The following DOCK4 variants were observed in gnomAD, a reference collection of about 807,000 sequenced individuals.
DOCK4 encodes the protein dedicator of cytokinesis protein 4.
Under a neutral mutation model 268.1 loss-of-function variants are expected in DOCK4, and 97 were observed. That is an observed-to-expected ratio of 0.36 (90% CI 0.31 to 0.43). The LOEUF (loss-of-function observed/expected upper bound fraction) is 0.43, where lower values mean the gene tolerates loss of function less well. Ranked by LOEUF, DOCK4 falls within the 20% of genes least tolerant of loss-of-function variation. The pLI, the probability that DOCK4 is intolerant of heterozygous loss-of-function variation, is 1.00. For missense variants in DOCK4, 2,145 were observed against 2,455.7 expected, an observed-to-expected ratio of 0.87 and a Z score of 2.67; for synonymous variants, 954 against 887.2, an observed-to-expected ratio of 1.08 and a Z score of -1.34.
At chr7:111,833,613 G>A (rs536032094) in intron 26 of DOCK4, among the ~76,000 whole-genome samples, 2 of 151,994 alleles carry the variant, frequency 1.3e-5, no homozygotes, top group East Asian at 3.9e-4. Flanking sequence ...ACTGACTGCT[G>A]AGGGATTAAA....
chr7:111,736,804 G>A lies in DOCK4; in HGVS notation c.5305+113C>T. The A allele has an allele frequency of 4.4e-6, 4 of 915,552 alleles. No homozygotes were observed. In the South Asian group the frequency reaches 5.6e-5, roughly 13 times the overall value. The allele number at this position is 915,552 out of a possible 1,614,324, so 56.7% of individuals were successfully genotyped here. A position where few individuals can be genotyped will look rare whatever the true frequency, so the allele number is the denominator to read the frequency against. On this transcript the variant is annotated intron_variant, in intron 50 of 52. Transcript: ENST00000428084. ...ATCCCTTAAAGAGCATACTAGTCCTGATCATTAAAGAGCTAGAGCACTGCT... is the reference window on the plus strand; with the variant it reads ...ATCCCTTAAAGAGCATACTAGTCCTAATCATTAAAGAGCTAGAGCACTGCT...
chr7:111,975,276 C>T (rs983606474), intron 8 of DOCK4, among the ~76,000 whole-genome samples: 1 of 151,842 alleles, frequency 6.6e-6, no homozygotes, highest in South Asian at 2.1e-4. Flanking sequence ...CAAACAAAAA[C>T]GAACAAAAAA....
At chr7:112,154,888 A>G (rs919146609) in intron 1 of DOCK4, among the ~76,000 whole-genome samples, 6 of 152,178 alleles carry the variant, frequency 3.9e-5, no homozygotes, top group African/African-American at 1.4e-4. Flanking sequence ...GGCCTGACAC[A>G]ATACCTTGCT....
chr7:112,022,500 G>C (rs572895767), intron 1 of DOCK4, among the ~76,000 whole-genome samples: 2 of 152,206 alleles, frequency 1.3e-5, no homozygotes, highest in African/African-American at 2.4e-5. Flanking sequence ...TCAGGCTTCT[G>C]CATAGGTGGG....
chr7:112,161,341 C>T (rs1336495652), intron 1 of DOCK4, among the ~76,000 whole-genome samples: 1 of 152,092 alleles, frequency 6.6e-6, no homozygotes, highest in Non-Finnish European at 1.5e-5. Context: ...ATACACTGTA[C>T]CAGGTAACCT....
intron 8 of DOCK4, among the ~76,000 whole-genome samples, chr7:111,947,728 A>AT (rs1044483869): frequency 2.0e-5 from 3 of 151,914 alleles, no homozygotes; most frequent in African/African-American, 7.3e-5. Context: ...TATCATTTTA[A>AT]TTTTTTTTGG....
At chr7:112,112,101 C>A (rs1811708008) in intron 1 of DOCK4, among the ~76,000 whole-genome samples, 1 of 152,072 alleles carries the variant, frequency 6.6e-6, no homozygotes, top group Non-Finnish European at 1.5e-5. Flanking sequence ...GATGTGTGTC[C>A]CCTCCAAATC....
chr7:112,127,402 G>A (rs1213832801), intron 1 of DOCK4, among the ~76,000 whole-genome samples: 36 of 116,752 alleles, frequency 3.1e-4, no homozygotes, highest in African/African-American at 1.2e-3. Context: ...ACACTCTGGG[G>A]ACTGTTGTGG....
At chr7:112,070,815 C>T (rs1337717716) in intron 1 of DOCK4, among the ~76,000 whole-genome samples, 1 of 152,186 alleles carries the variant, frequency 6.6e-6, no homozygotes, top group Non-Finnish European at 1.5e-5. Context: ...ACTGGCCCTG[C>T]CTTTCTCCTC....
At chr7:111,850,351 ACT>A (rs984554241) in intron 23 of DOCK4, among the ~76,000 whole-genome samples, 3 of 150,832 alleles carry the variant, frequency 2.0e-5, no homozygotes, top group African/African-American at 7.3e-5. Flanking sequence ...TACCCACCCG[ACT>A]CTGTTCCTTG....
intron 1 of DOCK4, among the ~76,000 whole-genome samples, chr7:112,085,300 T>C (rs954753905): frequency 6.6e-6 from 1 of 152,064 alleles, no homozygotes; most frequent in African/African-American, 2.4e-5. Flanking sequence ...TTTAAATCCA[T>C]AGCCCATCAA....
In DOCK4 at chr7:112,007,445, C is replaced by T. The variant is rs17159137; in HGVS notation, c.38-3314G>A. On this transcript the variant is annotated intron_variant, in intron 1 of 52. Transcript: ENST00000428084. ...TATCTAAGGAATAAGTTTTAAACTG[C>T]GGATCATATTGGAGAGGAATATTTT... Among the ~76,000 whole-genome samples, 236 of 152,206 alleles carry T rather than the reference C, an allele frequency of 1.6e-3. 1 individual carries two copies. The highest frequency in any genetic ancestry group is 5.2e-3 in the African/African-American group (215 of 41,532).
intron 1 of DOCK4, among the ~76,000 whole-genome samples, chr7:112,074,475 G>C (rs937828360): frequency 9.9e-5 from 15 of 152,090 alleles, no homozygotes; most frequent in Admixed American, 3.3e-4. Flanking sequence ...CTGTGATGCT[G>C]GGCTAACAAT....
At chr7:112,101,367 G>A (rs1307078902) in intron 1 of DOCK4, among the ~76,000 whole-genome samples, 2 of 152,218 alleles carry the variant, frequency 1.3e-5, no homozygotes, top group Non-Finnish European at 2.9e-5. Context: ...TCTCGTCCCC[G>A]GAGGGGTAAA....
At chr7:111,836,677 G>A (rs1216718129) in intron 25 of DOCK4, among the ~76,000 whole-genome samples, 2 of 152,078 alleles carry the variant, frequency 1.3e-5, no homozygotes, top group Non-Finnish European at 2.9e-5. Context: ...TTAGAGACAT[G>A]GAAGACATAA....
At chr7:111,739,514 T>A in intron 47 of DOCK4, 37 bp from the exon 48 acceptor site, 1 of 1,527,426 alleles carries the variant, frequency 6.5e-7, no homozygotes, top group Non-Finnish European at 8.9e-7. Context: ...ATACCCTGAT[T>A]AAAGGCTTCC....
intron 1 of DOCK4, among the ~76,000 whole-genome samples, chr7:112,026,852 C>T (rs1262492403): frequency 6.6e-6 from 1 of 152,146 alleles, no homozygotes; most frequent in African/African-American, 2.4e-5. Context: ...TATTACTCTC[C>T]CGGTCATCTC....
intron 1 of DOCK4, among the ~76,000 whole-genome samples, chr7:112,199,985 G>T (rs1820773690): frequency 6.6e-6 from 1 of 152,094 alleles, no homozygotes; most frequent in Admixed American, 6.6e-5. Flanking sequence ...AAGGAAAAAA[G>T]GATAATTAAA....
chr7:111,964,063 CCAT>C (rs1384282303), intron 8 of DOCK4, among the ~76,000 whole-genome samples: 2 of 142,754 alleles, frequency 1.4e-5, no homozygotes, highest in East Asian at 2.2e-4. Context: ...CTGTACATCA[CCAT>C]CATCAAAGAC....
Sources: gnomAD v4.1 joint callset for allele counts (sites outside exome capture counted in the v4.1 genomes callset) on GRCh38, gnomAD v4.1.1 for gene constraint, MANE v1.5 for transcripts, NCBI Gene and HGNC (gene_info 2026-07-23, HGNC 2026-07-21) for gene names.